Variants in FAM216A observed in about 807,000 individuals in gnomAD.
FAM216A encodes the protein protein FAM216A.
A neutral mutation model predicts 37.6 loss-of-function variants in FAM216A; 26 were observed. That is an observed-to-expected ratio of 0.69 (90% CI 0.51 to 0.96). The LOEUF (loss-of-function observed/expected upper bound fraction) is 0.96. Among genes scored for constraint, FAM216A ranks in the 40% least tolerant of loss-of-function variants. The pLI is 0.00. For missense variants in FAM216A, 326 were observed against 339.3 expected (o/e 0.96, Z 0.31); for synonymous variants, 110 against 121.7 (o/e 0.90, Z 0.64).
intron 2 of FAM216A, among the ~76,000 whole-genome samples, chr12:110,473,758 G>A (rs530091551): frequency 6.6e-6 from 1 of 152,270 alleles, no homozygotes; most frequent in East Asian, 1.9e-4. Context: ...TAGCTTCAAA[G>A]AATACAAAAT....
At position 110,469,023 on chromosome 12, in the gene FAM216A, G is replaced by A. The variant is rs1216324273; in HGVS notation, c.143+5G>A. The A allele has an allele frequency of 1.4e-6, 2 of 1,463,206 alleles. No homozygotes were observed. The highest frequency in any genetic ancestry group is 1.8e-6 in the Non-Finnish European group (2 of 1,109,592). The allele number at this position is 1,463,206 out of a possible 1,614,324, so 90.6% of individuals were successfully genotyped here. On this transcript the variant is annotated splice_donor_5th_base_variant and intron_variant, in intron 1 of 6. Coordinates refer to ENST00000377673, the MANE Select transcript of FAM216A (RefSeq NM_013300.3). Reference sequence around the variant, plus strand: ...GACCGAGGGTGGCGGCGGCGGGTGAGGTTGGGGGCCCCGGGGTAAGGGTGG... The same window carrying A: ...GACCGAGGGTGGCGGCGGCGGGTGAAGTTGGGGGCCCCGGGGTAAGGGTGG...
chr12:110,473,289 G>T (rs2135542062), intron 2 of FAM216A, among the ~76,000 whole-genome samples, 171 bp downstream of exon 2: 1 of 151,718 alleles, frequency 6.6e-6, no homozygotes, highest in East Asian at 1.9e-4. Context: ...TGGGCTCACT[G>T]CAACCTCTGC....
chr12:110,469,139 G>GA, intron 1 of FAM216A, 121 bp downstream of exon 1: 1 of 1,196,084 alleles, frequency 8.4e-7, no homozygotes, highest in Non-Finnish European at 1.1e-6. Flanking sequence ...GGCTGGCCCC[G>GA]GTGCCCTCAA....
Position 110,486,692 on chromosome 12 carries a change from T to C in FAM216A, c.595T>C (p.Trp199Arg), listed in dbSNP as rs2062778943. 1.9e-6 allele frequency: 3 copies of C among 1,613,500 alleles called. No individual in the cohort carries two copies. Among genetic ancestry groups the C allele is most frequent in the Admixed American group, 1.7e-5 (1 of 59,852 alleles). Residue 199 changes from tryptophan to arginine, a missense_variant, in exon 5 of 7, where the codon TGG (tryptophan) becomes CGG (arginine). Physicochemically the swap from Trp to Arg is moderately radical, Grantham distance 101. Transcript: ENST00000377673. ...APEMLIQHSL[W>R]RPVRNKEGIK... ...TGAAATGCTCATACAGCATTCCCTT[T>C]GGCGGCCAGTGAGAAACAAAGAAGG...
chr12:110,488,410 CAA>C (rs572459416), intron 6 of FAM216A, among the ~76,000 whole-genome samples: 6 of 51,000 alleles, frequency 1.2e-4, no homozygotes, highest in African/African-American at 7.2e-5. Flanking sequence ...GACTCCATCT[CAA>C]AAAAAAAAAA....
intron 5 of FAM216A, chr12:110,486,935 G>T (rs750419833): frequency 4.4e-5 from 22 of 503,224 alleles, no homozygotes; most frequent in Non-Finnish European, 7.4e-5. Context: ...AAAAAAAATT[G>T]TTTGTACAGA....
At chr12:110,484,446 A>G (rs867196994) in intron 2 of FAM216A, among the ~76,000 whole-genome samples, 1 of 148,506 alleles carries the variant, frequency 6.7e-6, no homozygotes, top group Admixed American at 6.7e-5. Context: ...AAAAAAAAAA[A>G]AAAAAAAAAC....
At chr12:110,489,659 A>T (rs1691989329) in intron 6 of FAM216A, among the ~76,000 whole-genome samples, 1 of 151,392 alleles carries the variant, frequency 6.6e-6, no homozygotes, top group Admixed American at 6.6e-5. Flanking sequence ...CGGAAACTGT[A>T]GGGGGGGGAG....
Position 110,477,709 on chromosome 12 carries a change from G to C in FAM216A, c.184+4591G>C, listed in dbSNP as rs572297292. Among the ~76,000 whole-genome samples the C allele has an allele frequency of 2.3e-4, 34 of 149,756 alleles. 3 individuals are homozygous for C. The South Asian group carries it at 7.2e-3, about 32-fold the overall frequency. On this transcript the variant is annotated intron_variant, in intron 2 of 6. Coordinates refer to ENST00000377673, the MANE Select transcript of FAM216A (RefSeq NM_013300.3). ...ATGATTAAGATGGCTAGAAATATGTGCTTTTTCTTTTTTTTTGAGACAGAG... is the reference window on the plus strand; with the variant it reads ...ATGATTAAGATGGCTAGAAATATGTCCTTTTTCTTTTTTTTTGAGACAGAG...
intron 2 of FAM216A, among the ~76,000 whole-genome samples, chr12:110,483,066 C>T (rs1185658689): frequency 6.6e-6 from 1 of 152,078 alleles, no homozygotes; most frequent in Non-Finnish European, 1.5e-5. Flanking sequence ...TGGCTCATGC[C>T]TGCAACCCCA....
chr12:110,489,005 T>G (rs1426691660), intron 6 of FAM216A, among the ~76,000 whole-genome samples: 1 of 152,114 alleles, frequency 6.6e-6, no homozygotes, highest in African/African-American at 2.4e-5. Flanking sequence ...GGTGATATTA[T>G]CAAAATTTTA....
chr12:110,471,528 A>G (rs748492836), intron 1 of FAM216A, among the ~76,000 whole-genome samples: 2 of 152,200 alleles, frequency 1.3e-5, no homozygotes, highest in African/African-American at 2.4e-5. Flanking sequence ...GAGCAGCTCT[A>G]TCACTCCTTC....
At chr12:110,481,885 TAA>T (rs2062749042) in intron 2 of FAM216A, among the ~76,000 whole-genome samples, 1 of 152,200 alleles carries the variant, frequency 6.6e-6, no homozygotes, top group African/African-American at 2.4e-5. Context: ...TTACAGATTA[TAA>T]GTTATGTTTC....
In FAM216A at chr12:110,470,564, G is replaced by A. The variant is rs564245107; in HGVS notation, c.143+1546G>A. Among the ~76,000 whole-genome samples, 18 of 150,470 alleles carry A rather than the reference G, an allele frequency of 1.2e-4. No individual in the cohort carries two copies. The South Asian group carries it at 3.6e-3, about 30-fold the overall frequency. On this transcript the variant is annotated intron_variant, in intron 1 of 6. Transcript: ENST00000377673. ...ACGATCTCAGCTAACTGCAACCTCC[G>A]CCTCCTGTGTTCAAGCAATTCTCCT...
At chr12:110,485,006 T>C in intron 2 of FAM216A, 72 bp from the exon 3 acceptor site, 1 of 1,512,834 alleles carries the variant, frequency 6.6e-7, no homozygotes, top group Non-Finnish European at 8.9e-7. Context: ...GGCCTAAATA[T>C]CTAGATCTTA....
chr12:110,471,462 T>A (rs573508959), intron 1 of FAM216A, among the ~76,000 whole-genome samples: 68 of 152,304 alleles, frequency 4.5e-4, no homozygotes, highest in African/African-American at 1.6e-3. Context: ...ATGTATAATA[T>A]GATGGGTTTT....
At chr12:110,473,183 T>C in intron 2 of FAM216A, 65 bp downstream of exon 2, 1 of 841,342 alleles carries the variant, frequency 1.2e-6, no homozygotes, top group Non-Finnish European at 1.9e-6. Flanking sequence ...CCTATTTGTC[T>C]GTAACTACTT....
At chr12:110,472,036 G>A (rs982616433) in intron 1 of FAM216A, among the ~76,000 whole-genome samples, 1 of 151,476 alleles carries the variant, frequency 6.6e-6, no homozygotes, top group African/African-American at 2.4e-5. Context: ...GTTTGAGACC[G>A]GCCTGGCCAA....
chr12:110,472,052 C>T (rs908350153), intron 1 of FAM216A, among the ~76,000 whole-genome samples: 1 of 151,370 alleles, frequency 6.6e-6, no homozygotes, highest in African/African-American at 2.4e-5. Flanking sequence ...GCCAACATGG[C>T]GAAACCTTGT....
Sources: allele counts gnomAD v4.1 joint callset (sites outside exome capture counted in the v4.1 genomes callset), GRCh38; gene constraint gnomAD v4.1.1; transcripts MANE v1.5; gene names NCBI Gene and HGNC (gene_info 2026-07-23, HGNC 2026-07-21).